The following LUZP2 variants were observed in gnomAD, a reference collection of about 807,000 sequenced individuals.
LUZP2 encodes the protein leucine zipper protein 2.
LUZP2 carries 52 observed loss-of-function variants against 51.6 expected under a neutral mutation model. That is an observed-to-expected ratio of 1.01 (90% CI 0.81 to 1.27). The LOEUF is 1.27. Ranked by LOEUF, LUZP2 falls within the 50% of genes most tolerant of loss-of-function variation. The pLI, the probability that LUZP2 is intolerant of heterozygous loss-of-function variation, is 0.00. For synonymous variants in LUZP2, 154 were observed against 137.3 expected (o/e 1.12, Z -0.85); for missense variants, 436 against 395.4 (o/e 1.10, Z -0.87).
intron 1 of LUZP2, among the ~76,000 whole-genome samples, chr11:24,617,055 T>C (rs946893001): frequency 1.3e-5 from 2 of 152,230 alleles, no homozygotes; most frequent in African/African-American, 4.8e-5. Context: ...TTGTAAATTT[T>C]CTGTGTACTA....
Position 25,050,291 on chromosome 11 carries a change from C to CTTTTTTTTTTTTT in LUZP2, c.858+177_858+189dup, listed in dbSNP as rs71044331. Among the ~76,000 whole-genome samples the CTTTTTTTTTTTTT allele has an allele frequency of 5.2e-4, 40 of 77,158 alleles. 6 individuals are homozygous for CTTTTTTTTTTTTT. The highest frequency in any genetic ancestry group is 7.0e-4 in the Non-Finnish European group (29 of 41,342). 50.6% of individuals were successfully genotyped at this position (77,158 alleles called of 152,430 possible). A position where few individuals can be genotyped will look rare whatever the true frequency, so the allele number is the denominator to read the frequency against. On this transcript the variant is annotated intron_variant, in intron 10 of 11. Coordinates refer to ENST00000336930, the MANE Select transcript of LUZP2 (RefSeq NM_001009909.4). Reference sequence around the variant, plus strand: ...TAAGAAAGTAAATGTTCTTTATGTTCTTTTTTTTTTTTTTTTTTTTTTTTT... The same window carrying CTTTTTTTTTTTTT: ...TAAGAAAGTAAATGTTCTTTATGTTCTTTTTTTTTTTTTTTTTTTTTTTTTTTTTTTTTTTTTT...
At chr11:25,016,623 A>G (rs1435058402) in intron 9 of LUZP2, among the ~76,000 whole-genome samples, 2 of 127,024 alleles carry the variant, frequency 1.6e-5, no homozygotes, top group African/African-American at 4.9e-5. Context: ...CGTGTTACAT[A>G]TGTGTGTGTT....
intron 1 of LUZP2, among the ~76,000 whole-genome samples, chr11:24,542,019 CAA>C (rs1159389168): frequency 6.6e-6 from 1 of 151,800 alleles, no homozygotes; most frequent in South Asian, 2.1e-4. Context: ...AATGGTATAC[CAA>C]AAAGATGAAT....
chr11:24,659,027 T>G (rs559862098), intron 1 of LUZP2, among the ~76,000 whole-genome samples: 36 of 152,262 alleles, frequency 2.4e-4, no homozygotes, highest in African/African-American at 8.7e-4. Flanking sequence ...TCCTCAGGGA[T>G]CTAGAACTAG....
chr11:24,519,126 T>G (rs1337460384), intron 1 of LUZP2, among the ~76,000 whole-genome samples: 1 of 152,220 alleles, frequency 6.6e-6, no homozygotes, highest in Non-Finnish European at 1.5e-5. Flanking sequence ...TCAGGATTCA[T>G]GTTGAGGGAT....
chr11:24,519,224 C>T (rs71472802), intron 1 of LUZP2, among the ~76,000 whole-genome samples: 6,002 of 152,132 alleles, frequency 0.039, 162 homozygotes, highest in Non-Finnish European at 0.06. Flanking sequence ...ATCTTATTTT[C>T]TACTTTGACT....
intron 9 of LUZP2, among the ~76,000 whole-genome samples, chr11:25,026,445 C>A (rs1306297340): frequency 6.6e-6 from 1 of 152,004 alleles, no homozygotes; most frequent in Non-Finnish European, 1.5e-5. Context: ...AATACTATTC[C>A]TTCTAATATG....
chr11:25,007,555 C>CT (rs1856868149), intron 9 of LUZP2, among the ~76,000 whole-genome samples: 1 of 152,034 alleles, frequency 6.6e-6, no homozygotes, highest in Non-Finnish European at 1.5e-5. Context: ...GTGGGCCGAG[C>CT]TCACACCACT....
At chr11:24,578,827 C>A (rs984933892) in intron 1 of LUZP2, among the ~76,000 whole-genome samples, 9 of 152,022 alleles carry the variant, frequency 5.9e-5, no homozygotes, top group Non-Finnish European at 1.3e-4. Flanking sequence ...GGGTACTATG[C>A]TCAGTACTTT....
At chr11:24,732,294 T>A in intron 3 of LUZP2, 106 bp downstream of exon 3, 1 of 778,286 alleles carries the variant, frequency 1.3e-6, no homozygotes, top group Non-Finnish European at 2.0e-6. Context: ...ATTTATCTTT[T>A]CACTTATACT....
chr11:24,681,024 G>T (rs1856718124), intron 1 of LUZP2, among the ~76,000 whole-genome samples: 1 of 149,286 alleles, frequency 6.7e-6, no homozygotes, highest in African/African-American at 2.5e-5. Context: ...GCCCAGGCCG[G>T]ACTGCGGACT....
At chr11:24,736,291 AT>A (rs1327579385) in intron 3 of LUZP2, among the ~76,000 whole-genome samples, 2 of 151,964 alleles carry the variant, frequency 1.3e-5, no homozygotes, top group Admixed American at 6.6e-5. Flanking sequence ...TTATTATTTA[AT>A]TTTTAAGTGT....
At chr11:25,003,580 A>G (rs1472442072) in intron 9 of LUZP2, among the ~76,000 whole-genome samples, 2 of 152,156 alleles carry the variant, frequency 1.3e-5, no homozygotes, top group Non-Finnish European at 2.9e-5. Flanking sequence ...GGACTGTTGC[A>G]TTTCCTTACT....
At chr11:24,820,376 T>G (rs1368175850) in intron 5 of LUZP2, among the ~76,000 whole-genome samples, 1 of 152,152 alleles carries the variant, frequency 6.6e-6, no homozygotes, top group Non-Finnish European at 1.5e-5. Context: ...TGGATGTGTA[T>G]GGTGGGGAAA....
chr11:24,566,322 ATTTATTTTTTTTTT>A (rs1564994664), intron 1 of LUZP2, among the ~76,000 whole-genome samples: 4 of 3,650 alleles, frequency 1.1e-3, no homozygotes, highest in African/African-American at 1.8e-3. Context: ...TGTATTATTT[ATTTATTTTTTTTTT>A]TTTTTTTTTT....
At chr11:24,597,330 G>A (rs778758153) in intron 1 of LUZP2, among the ~76,000 whole-genome samples, 1 of 152,136 alleles carries the variant, frequency 6.6e-6, no homozygotes, top group Non-Finnish European at 1.5e-5. Context: ...GCACAGTAAT[G>A]CACTCTATTG....
chr11:24,649,547 T>C (rs1383738697), intron 1 of LUZP2, among the ~76,000 whole-genome samples: 1 of 151,958 alleles, frequency 6.6e-6, no homozygotes, highest in Non-Finnish European at 1.5e-5. Context: ...AAGCACTATT[T>C]AGGAGCATTA....
At chr11:25,065,484 C>T (rs145458676) in intron 10 of LUZP2, among the ~76,000 whole-genome samples, 16 of 151,884 alleles carry the variant, frequency 1.1e-4, no homozygotes, top group Admixed American at 2.0e-4. Context: ...TTTAAAAATA[C>T]GAAAATTGAG....
intron 7 of LUZP2, among the ~76,000 whole-genome samples, chr11:24,921,968 G>C (rs1273085602): frequency 1.3e-5 from 2 of 152,128 alleles, no homozygotes; most frequent in African/African-American, 4.8e-5. Context: ...TTGAAGTCTA[G>C]AGGAATTTGA....
Sources: gnomAD v4.1 joint callset for allele counts (sites outside exome capture counted in the v4.1 genomes callset) on GRCh38, gnomAD v4.1.1 for gene constraint, MANE v1.5 for transcripts, NCBI Gene and HGNC (gene_info 2026-07-23, HGNC 2026-07-21) for gene names.